Variants in FRY observed in about 807,000 individuals in gnomAD.
FRY encodes FRY microtubule binding protein.
FRY carries 128 observed loss-of-function variants against 348.4 expected under a neutral mutation model. The ratio of observed to expected loss-of-function variants is 0.37; its 90% CI spans 0.32 to 0.43. The LOEUF (loss-of-function observed/expected upper bound fraction) is 0.43, where lower values mean the gene tolerates loss of function less well. Among genes scored for constraint, FRY ranks in the 20% least tolerant of loss-of-function variants. The pLI is 1.00. For missense variants in FRY, 2,736 were observed against 3,695.2 expected, an observed-to-expected ratio of 0.74 and a Z score of 6.73; for synonymous variants, 1,370 against 1,374.7, an observed-to-expected ratio of 1.00 and a Z score of 0.08.
intron 55 of FRY, among the ~76,000 whole-genome samples, chr13:32,271,704 C>T (rs564028423): frequency 1.3e-5 from 2 of 152,308 alleles, no homozygotes; most frequent in South Asian, 4.1e-4. Flanking sequence ...CCAATGTCCT[C>T]GCAGAAGATG....
intron 14 of FRY, among the ~76,000 whole-genome samples, chr13:32,153,767 C>T (rs2138154072): frequency 6.6e-6 from 1 of 152,240 alleles, no homozygotes; most frequent in Non-Finnish European, 1.5e-5. Context: ...GCTTTTCAGA[C>T]ATTTTCTTTC....
chr13:32,245,129 T>C (rs1409953076), intron 47 of FRY, among the ~76,000 whole-genome samples: 1 of 151,928 alleles, frequency 6.6e-6, no homozygotes, highest in Non-Finnish European at 1.5e-5. Context: ...TTTGTATTTT[T>C]AGTAGAGACA....
chr13:32,234,794 G>C, intron 42 of FRY, 33 bp downstream of exon 42: 1 of 1,530,004 alleles, frequency 6.5e-7, no homozygotes, highest in Non-Finnish European at 9.1e-7. Flanking sequence ...GCTCGTGAAG[G>C]ATGAGCTCTC....
chr13:32,108,485 ATCT>A (rs1364368900), intron 3 of FRY, among the ~76,000 whole-genome samples: 1 of 152,228 alleles, frequency 6.6e-6, no homozygotes, highest in Non-Finnish European at 1.5e-5. Flanking sequence ...TTAAAGGATA[ATCT>A]TCAAAAACAG....
At chr13:32,228,195 A>G (rs1885700975) in intron 39 of FRY, among the ~76,000 whole-genome samples, 1 of 152,210 alleles carries the variant, frequency 6.6e-6, no homozygotes, top group East Asian at 1.9e-4. Context: ...TATAGAAAGT[A>G]TCAACTAAAA....
chr13:32,217,221 G>A (rs1317505378), intron 35 of FRY, among the ~76,000 whole-genome samples: 1 of 152,108 alleles, frequency 6.6e-6, no homozygotes, highest in African/African-American at 2.4e-5. Flanking sequence ...AGTTTTCCAG[G>A]TATTTCTAGA....
chr13:32,072,885 A>T (rs957389245), intron 1 of FRY, among the ~76,000 whole-genome samples: 17 of 152,206 alleles, frequency 1.1e-4, no homozygotes, highest in Admixed American at 9.8e-4. Context: ...GAACAAAGAA[A>T]TCTCATAATT....
chr13:32,246,375 A>G (rs1156862880), intron 47 of FRY, among the ~76,000 whole-genome samples: 1 of 152,238 alleles, frequency 6.6e-6, no homozygotes, highest in Non-Finnish European at 1.5e-5. Context: ...TGTCAGAGAA[A>G]CGAAGATGGT....
intron 7 of FRY, among the ~76,000 whole-genome samples, chr13:32,129,275 T>C (rs906483693): frequency 6.6e-6 from 1 of 152,196 alleles, no homozygotes; most frequent in Non-Finnish European, 1.5e-5. Context: ...TACAGTCACA[T>C]TTCGATCTCA....
Position 32,173,549 on chromosome 13 carries a change from G to A in FRY, c.2334G>A (p.Glu778=). 6.2e-7 allele frequency: 1 copy of A among 1,609,878 alleles called. No individual in the cohort carries two copies. Among genetic ancestry groups the A allele is most frequent in the Non-Finnish European group, 8.5e-7 (1 of 1,176,658 alleles). ...RALFIALGQP[E]DDDRPMIDVM... The stretch of plus-strand genomic sequence containing the variant: ...TGTTTATTGCCCTGGGGCAGCCTGA[G>A]GTATGGATTAGTCTTCTGAATTTTT... The change falls in exon 19 of 61, where the codon GAG becomes GAA. Residue 778 remains glutamate, a splice_region_variant and synonymous_variant. Transcript: ENST00000542859.
chr13:32,232,109 G>C (rs12583521), intron 41 of FRY, among the ~76,000 whole-genome samples: 11,399 of 152,224 alleles, frequency 0.075, 1,114 homozygotes, highest in East Asian at 0.26. Context: ...TTCTAGTTTT[G>C]AGTTTCCCCT....
chr13:32,288,348 A>G (rs2089200826), intron 58 of FRY, among the ~76,000 whole-genome samples: 1 of 152,234 alleles, frequency 6.6e-6, no homozygotes. Flanking sequence ...TTAATTAGTC[A>G]GTGTAGCTGC....
chr13:32,244,259 A>G, intron 47 of FRY, 77 bp downstream of exon 47: 1 of 1,343,320 alleles, frequency 7.4e-7, no homozygotes, highest in Non-Finnish European at 1.1e-6. Flanking sequence ...TTGGCTACAA[A>G]ACCATCTGGG....
intron 1 of FRY, among the ~76,000 whole-genome samples, chr13:32,059,461 A>AAAC (rs1339672481): frequency 7.0e-6 from 1 of 143,448 alleles, no homozygotes; most frequent in Non-Finnish European, 1.5e-5. Context: ...TAGGAAGCAA[A>AAAC]AAAAAAAAAA....
intron 58 of FRY, among the ~76,000 whole-genome samples, chr13:32,281,104 AG>A (rs1191113244): frequency 6.6e-6 from 1 of 152,168 alleles, no homozygotes; most frequent in Non-Finnish European, 1.5e-5. Flanking sequence ...ACTAAACCCA[AG>A]GACTCAAAAA....
intron 14 of FRY, among the ~76,000 whole-genome samples, chr13:32,154,498 A>G (rs922975972): frequency 6.6e-6 from 1 of 152,204 alleles, no homozygotes; most frequent in African/African-American, 2.4e-5. Context: ...GGCAAACCAG[A>G]TTTAGATGCA....
chr13:32,205,680 A>G (rs527240522), intron 31 of FRY, among the ~76,000 whole-genome samples: 2 of 152,172 alleles, frequency 1.3e-5, no homozygotes, highest in East Asian at 3.9e-4. Context: ...GTAAACAGAG[A>G]GAGCATCCAA....
At chr13:32,236,757 T>C (rs1886248266) in intron 43 of FRY, among the ~76,000 whole-genome samples, 1 of 152,186 alleles carries the variant, frequency 6.6e-6, no homozygotes, top group African/African-American at 2.4e-5. Flanking sequence ...TTGTATCCGA[T>C]TGGGCCTTGT....
chr13:32,268,282 T>C (rs1343399721), intron 55 of FRY, among the ~76,000 whole-genome samples: 2 of 152,054 alleles, frequency 1.3e-5, no homozygotes, highest in Non-Finnish European at 2.9e-5. Flanking sequence ...GAGAGAAACA[T>C]GCCTTGCTGT....
Sources: allele counts gnomAD v4.1 joint callset (sites outside exome capture counted in the v4.1 genomes callset), GRCh38; gene constraint gnomAD v4.1.1; transcripts MANE v1.5; gene names NCBI Gene and HGNC (gene_info 2026-07-23, HGNC 2026-07-21).